NTRK3: variants seen among roughly 807,000 people sequenced by gnomAD.
The protein encoded by NTRK3 is NT-3 growth factor receptor.
Under a neutral mutation model 91.7 loss-of-function variants are expected in NTRK3, and 24 were observed. The ratio of observed to expected loss-of-function variants is 0.26; its 90% confidence interval spans 0.19 to 0.37. The LOEUF is 0.37. Ranked by LOEUF, NTRK3 falls within the 10% of genes least tolerant of loss-of-function variation. The pLI is 1.00. For synonymous variants in NTRK3, 483 were observed against 404.0 expected, an observed-to-expected ratio of 1.20 and a Z score of -2.34; for missense variants, 880 against 1,068.9, an observed-to-expected ratio of 0.82 and a Z score of 2.46.
At chr15:88,075,584 C>T (rs568389617) in intron 13 of NTRK3, among the ~76,000 whole-genome samples, 4 of 152,132 alleles carry the variant, frequency 2.6e-5, no homozygotes, top group African/African-American at 9.7e-5. Context: ...GGAGAAGTCT[C>T]CCTTTTTTCT....
At chr15:88,188,984 C>T (rs1045122356) in intron 3 of NTRK3, among the ~76,000 whole-genome samples, 1 of 152,248 alleles carries the variant, frequency 6.6e-6, no homozygotes, top group Non-Finnish European at 1.5e-5. Context: ...CCCTTCCATT[C>T]CACAGAGCCA....
chr15:87,942,907 C>T (rs2070035865), intron 14 of NTRK3, among the ~76,000 whole-genome samples: 1 of 152,144 alleles, frequency 6.6e-6, no homozygotes. Context: ...AATCAGGCAT[C>T]CGCACCTGGT....
chr15:88,208,841 T>C (rs945654219), intron 3 of NTRK3, among the ~76,000 whole-genome samples: 5 of 152,212 alleles, frequency 3.3e-5, no homozygotes, highest in Admixed American at 6.5e-5. Flanking sequence ...TGCAATTTCA[T>C]TGGTCTGCAG....
chr15:88,084,923 G>T (rs1008481297), intron 13 of NTRK3, among the ~76,000 whole-genome samples: 1 of 152,158 alleles, frequency 6.6e-6, no homozygotes, highest in Non-Finnish European at 1.5e-5. Context: ...ACATGCGCCC[G>T]CATGGGTGTT....
chr15:88,172,307 G>A (rs955808476), intron 5 of NTRK3, among the ~76,000 whole-genome samples: 7 of 152,314 alleles, frequency 4.6e-5, no homozygotes, highest in African/African-American at 1.7e-4. Flanking sequence ...ATAGCCAAGA[G>A]ACTAAACTCA....
At chr15:88,196,035 G>A (rs1354690033) in intron 3 of NTRK3, among the ~76,000 whole-genome samples, 1 of 152,154 alleles carries the variant, frequency 6.6e-6, no homozygotes, top group Non-Finnish European at 1.5e-5. Context: ...AGTTATAAAG[G>A]CGAATTGGTG....
At chr15:88,174,788 C>T (rs934457329) in intron 5 of NTRK3, among the ~76,000 whole-genome samples, 12 of 152,236 alleles carry the variant, frequency 7.9e-5, no homozygotes, top group African/African-American at 2.2e-4. Context: ...CATTCCCGCC[C>T]ATCTCGGGTC....
intron 3 of NTRK3, among the ~76,000 whole-genome samples, chr15:88,186,854 G>T (rs2046986001): frequency 6.6e-6 from 1 of 152,080 alleles, no homozygotes; most frequent in Non-Finnish European, 1.5e-5. Context: ...CCTGCCCTAG[G>T]AGCTGATGGT....
At chr15:87,918,817 T>C (rs1238470755) in intron 17 of NTRK3, among the ~76,000 whole-genome samples, 3 of 152,210 alleles carry the variant, frequency 2.0e-5, no homozygotes, top group African/African-American at 7.2e-5. Flanking sequence ...TGGACAGGGT[T>C]AGCAAATGTG....
At chr15:88,063,807 G>A (rs2046417229) in intron 13 of NTRK3, among the ~76,000 whole-genome samples, 1 of 152,202 alleles carries the variant, frequency 6.6e-6, no homozygotes, top group South Asian at 2.1e-4. Context: ...CTTTTCTCCT[G>A]TCATGAAAGG....
intron 13 of NTRK3, among the ~76,000 whole-genome samples, chr15:88,117,390 T>C (rs750617523): frequency 2.6e-5 from 4 of 152,212 alleles, no homozygotes; most frequent in Non-Finnish European, 5.9e-5. Context: ...CCTACTATGA[T>C]TAGAAGTGAA....
intron 3 of NTRK3, among the ~76,000 whole-genome samples, chr15:88,225,896 G>A (rs1042783866): frequency 2.9e-4 from 44 of 152,264 alleles, no homozygotes; most frequent in Non-Finnish European, 1.5e-5. Context: ...GCAGTCACCC[G>A]CTACCTAGAC....
chr15:88,171,553 T>G lies in NTRK3; in HGVS notation c.395+11865A>C, dbSNP rs74027790. Among the ~76,000 whole-genome samples the G allele has an allele frequency of 8.1e-3, 1,234 of 152,276 alleles. 23 individuals carry two copies. The highest frequency in any genetic ancestry group is 0.029 in the African/African-American group (1,185 of 41,552). On this transcript the variant is annotated intron_variant, in intron 5 of 18. Transcript: ENST00000394480. ...ATAAGGATCAAGGTTCTAAAATAGCTTCCAAGGTGTGGGACATGCCATTTA... is the reference window on the plus strand; with the variant it reads ...ATAAGGATCAAGGTTCTAAAATAGCGTCCAAGGTGTGGGACATGCCATTTA...
At chr15:88,180,831 C>T (rs2046392965) in intron 5 of NTRK3, among the ~76,000 whole-genome samples, 1 of 152,140 alleles carries the variant, frequency 6.6e-6, no homozygotes, top group South Asian at 2.1e-4. Flanking sequence ...AGCAAAGAAA[C>T]CTGGCCCATT....
exon 10 of NTRK3, chr15:88,135,344 T>C (rs1457985391): frequency 3.1e-6 from 5 of 1,614,088 alleles, no homozygotes; most frequent in South Asian, 2.2e-5. Flanking sequence ...ACAAACTCGA[T>C]GCAGTGCTCC....
chr15:87,919,248 C>T (rs2067675879), intron 17 of NTRK3, among the ~76,000 whole-genome samples: 1 of 152,168 alleles, frequency 6.6e-6, no homozygotes, highest in South Asian at 2.1e-4. Context: ...GCTTCTACTC[C>T]TGCATTCTAG....
At chr15:88,230,115 T>A (rs1281562983) in intron 3 of NTRK3, among the ~76,000 whole-genome samples, 1 of 152,216 alleles carries the variant, frequency 6.6e-6, no homozygotes, top group African/African-American at 2.4e-5. Flanking sequence ...ATTGTCTCAG[T>A]TTCTTCATCT....
intron 14 of NTRK3, among the ~76,000 whole-genome samples, chr15:87,962,862 G>A (rs1269112985): frequency 6.6e-6 from 1 of 152,318 alleles, no homozygotes; most frequent in South Asian, 2.1e-4. Context: ...AGGACATAGA[G>A]ATTAGAGGCT....
intron 17 of NTRK3, among the ~76,000 whole-genome samples, chr15:87,889,618 G>T (rs2065746537): frequency 6.6e-6 from 1 of 151,968 alleles, no homozygotes; most frequent in Admixed American, 6.6e-5. Flanking sequence ...CATGGGCTGA[G>T]TTGAATAGTT....
Sources: allele counts gnomAD v4.1 joint callset (sites outside exome capture counted in the v4.1 genomes callset), GRCh38; gene constraint gnomAD v4.1.1; transcripts MANE v1.5; gene names NCBI Gene and HGNC (gene_info 2026-07-23, HGNC 2026-07-21).